Variants in PLPP1 observed in about 807,000 individuals in gnomAD.
PLPP1 encodes the protein lipid phosphate phosphohydrolase 1a.
In PLPP1, 24 loss-of-function variants were observed where a neutral mutation model predicts 31.2. The observed-to-expected ratio is 0.77, with a 90% confidence interval of 0.56 to 1.08. The LOEUF (loss-of-function observed/expected upper bound fraction) is 1.08. Ranked by LOEUF, PLPP1 falls within the 50% of genes least tolerant of loss-of-function variation. PLPP1 has a pLI of 0.00. For synonymous variants in PLPP1, 146 were observed against 126.3 expected (o/e 1.16, Z -1.05); for missense variants, 319 against 342.7 (o/e 0.93, Z 0.55).
Position 55,459,568 on chromosome 5 carries a change from A to C in PLPP1, c.491+8301T>G, listed in dbSNP as rs149791830. Among the ~76,000 whole-genome samples, 78 of 152,294 alleles carry C rather than the reference A, an allele frequency of 5.1e-4. 1 individual carries two copies. The East Asian group carries it at 0.013, about 25-fold the overall frequency. On this transcript the variant is annotated intron_variant, in intron 3 of 5. Coordinates refer to ENST00000307259, the MANE Select transcript of PLPP1 (RefSeq NM_003711.4). ...GGCCCAGGGGGATGGGAATCAACTA[A>C]TTTGAAAGAATTCTAATCATATAAA...
intron 1 of PLPP1, among the ~76,000 whole-genome samples, chr5:55,520,837 A>C (rs1003579449): frequency 1.3e-5 from 2 of 152,384 alleles, no homozygotes; most frequent in African/African-American, 4.8e-5. Flanking sequence ...AGCAGTAGCC[A>C]AAAGTAATGT....
chr5:55,426,922 T>A (rs1287199181), intron 4 of PLPP1, among the ~76,000 whole-genome samples: 2 of 152,104 alleles, frequency 1.3e-5, no homozygotes, highest in Non-Finnish European at 2.9e-5. Flanking sequence ...AGAAGTGTAT[T>A]CTTTCAACAG....
intron 1 of PLPP1, among the ~76,000 whole-genome samples, chr5:55,520,432 C>T (rs563267848): frequency 6.6e-6 from 1 of 152,280 alleles, no homozygotes; most frequent in Admixed American, 6.5e-5. Context: ...ACCAAATTGG[C>T]TTATTAGCTT....
chr5:55,465,549 A>G (rs1752272047), intron 3 of PLPP1, among the ~76,000 whole-genome samples: 1 of 152,190 alleles, frequency 6.6e-6, no homozygotes, highest in South Asian at 2.1e-4. Flanking sequence ...ATATCTGATA[A>G]TAAACAAACA....
intron 4 of PLPP1, among the ~76,000 whole-genome samples, chr5:55,437,494 A>C (rs949000922): frequency 6.6e-6 from 1 of 152,008 alleles, no homozygotes; most frequent in Non-Finnish European, 1.5e-5. Context: ...TGACCTACAA[A>C]GCCTAAATAT....
chr5:55,513,711 G>A (rs1478034134), intron 1 of PLPP1, among the ~76,000 whole-genome samples: 1 of 152,174 alleles, frequency 6.6e-6, no homozygotes, highest in East Asian at 1.9e-4. Context: ...AGGCAGAGGT[G>A]AGAGGATCTC....
At chr5:55,436,017 G>GAA (rs57953984) in intron 4 of PLPP1, among the ~76,000 whole-genome samples, 1 of 114,890 alleles carries the variant, frequency 8.7e-6, no homozygotes, top group Non-Finnish European at 1.8e-5. Context: ...CTGTCTCAGA[G>GAA]AAAAAAAAAA....
intron 3 of PLPP1, among the ~76,000 whole-genome samples, chr5:55,448,198 A>G (rs1019679793): frequency 1.3e-5 from 2 of 152,196 alleles, no homozygotes; most frequent in African/African-American, 4.8e-5. Context: ...TGATTTGGCA[A>G]TGAGATATCA....
intron 1 of PLPP1, among the ~76,000 whole-genome samples, chr5:55,525,891 A>G (rs1018966603): frequency 9.9e-5 from 15 of 152,176 alleles, no homozygotes; most frequent in Non-Finnish European, 1.2e-4. Flanking sequence ...ACAAGACAGT[A>G]TCTCTATAAT....
At chr5:55,425,676 A>G (rs1328416704) in intron 5 of PLPP1, 187 bp downstream of exon 5, 3 of 513,124 alleles carry the variant, frequency 5.8e-6, no homozygotes, top group Admixed American at 7.8e-5. Context: ...CAAAACTACT[A>G]AGTTTTAGAA....
At chr5:55,517,359 T>C (rs1250516546) in intron 1 of PLPP1, among the ~76,000 whole-genome samples, 1 of 152,006 alleles carries the variant, frequency 6.6e-6, no homozygotes, top group African/African-American at 2.4e-5. Context: ...GTTAATTTTG[T>C]TTTGTTTTGT....
At chr5:55,494,194 GGA>G (rs1015805795) in intron 1 of PLPP1, among the ~76,000 whole-genome samples, 2 of 151,388 alleles carry the variant, frequency 1.3e-5, no homozygotes, top group Non-Finnish European at 2.9e-5. Context: ...AAAAAAAAAG[GGA>G]GAGAGAGAGC....
intron 1 of PLPP1, among the ~76,000 whole-genome samples, 187 bp downstream of exon 1, chr5:55,534,385 G>A (rs568440741): frequency 6.6e-6 from 1 of 152,342 alleles, no homozygotes; most frequent in Non-Finnish European, 1.5e-5. Context: ...ACAGACAGCG[G>A]CGGGCACGCG....
At chr5:55,490,889 G>T in intron 1 of PLPP1, 2 of 1,476,540 alleles carry the variant, frequency 1.4e-6, no homozygotes, top group South Asian at 1.3e-5. Flanking sequence ...ATTTACCCCC[G>T]CCCCAACTCC....
intron 1 of PLPP1, among the ~76,000 whole-genome samples, chr5:55,486,616 T>C (rs1267028056): frequency 6.6e-6 from 1 of 151,690 alleles, no homozygotes. Context: ...ATAAAATATA[T>C]AAAGTGATTA....
chr5:55,430,494 A>G (rs183949053), intron 4 of PLPP1, among the ~76,000 whole-genome samples: 6 of 152,366 alleles, frequency 3.9e-5, no homozygotes, highest in African/African-American at 1.2e-4. Flanking sequence ...TTTACAGCCA[A>G]AGAAATCATA....
chr5:55,485,273 A>C (rs1384556405), intron 1 of PLPP1, among the ~76,000 whole-genome samples: 1 of 152,140 alleles, frequency 6.6e-6, no homozygotes, highest in African/African-American at 2.4e-5. Flanking sequence ...TTAGTGTCAG[A>C]ATTGAATTAC....
At chr5:55,452,839 A>C (rs1751922040) in intron 3 of PLPP1, among the ~76,000 whole-genome samples, 1 of 152,246 alleles carries the variant, frequency 6.6e-6, no homozygotes, top group Non-Finnish European at 1.5e-5. Context: ...GATGTTTTAA[A>C]TAGGTTTGAC....
intron 1 of PLPP1, among the ~76,000 whole-genome samples, chr5:55,532,954 CAAAA>C (rs61144694): frequency 3.3e-5 from 4 of 121,342 alleles, no homozygotes; most frequent in Admixed American, 8.3e-5. Context: ...AGACCGTCTC[CAAAA>C]AAAAAAAAAA....
Sources: allele counts gnomAD v4.1 joint callset (sites outside exome capture counted in the v4.1 genomes callset), GRCh38; gene constraint gnomAD v4.1.1; transcripts MANE v1.5; gene names NCBI Gene and HGNC (gene_info 2026-07-23, HGNC 2026-07-21).